Variants in BEST2 observed in about 807,000 individuals in gnomAD.
BEST2 encodes the protein bestrophin-2a.
BEST2 carries 36 observed loss-of-function variants against 49.0 expected under a neutral mutation model. The observed-to-expected ratio is 0.73, with a 90% confidence interval of 0.56 to 0.97. BEST2 has a LOEUF of 0.97. Among genes scored for constraint, BEST2 ranks in the 50% least tolerant of loss-of-function variants. The pLI is 0.00. For synonymous variants in BEST2, 335 were observed against 304.4 expected, an observed-to-expected ratio of 1.10 and a Z score of -1.05; for missense variants, 672 against 710.0, an observed-to-expected ratio of 0.95 and a Z score of 0.61.
chr19:12,757,701 C>A lies in BEST2; in HGVS notation c.1154C>A (p.Pro385Gln). Residue 385 changes from proline (P) to glutamine (Q), a missense_variant, in exon 10 of 10, where the codon CCG becomes CAG. This residue lies in a region of BEST2 where 291 missense variants were observed against 279.8 expected (regional missense o/e 1.04). Coordinates refer to ENST00000553030, the MANE Select transcript of BEST2 (RefSeq NM_017682.3). Reference protein sequence around the residue: ...QFQRLDGLDGPMGEAPGDFLQ... With the variant: ...QFQRLDGLDGQMGEAPGDFLQ... The stretch of plus-strand genomic sequence containing the variant: ...CAGCGGCTGGACGGCTTGGATGGAC[C>A]GATGGGAGAGGCGCCCGGCGACTTC... 1 of 1,546,424 alleles carries A rather than the reference C, an allele frequency of 6.5e-7. No homozygotes were observed. Among genetic ancestry groups the A allele is most frequent in the Non-Finnish European group, 8.7e-7 (1 of 1,149,248 alleles).
At position 12,755,028 on chromosome 19, in the gene BEST2, C is replaced by G. The variant is rs114701791; in HGVS notation, c.633C>G (p.Leu211=). 9 of 1,597,924 alleles carry G rather than the reference C, an allele frequency of 5.6e-6. No individual in the cohort carries two copies. The highest frequency in any genetic ancestry group is 6.8e-6 in the Non-Finnish European group (8 of 1,174,738). The change falls in exon 5 of 10, where the codon CTC becomes CTG. Residue 211 remains leucine (L), a synonymous_variant. Coordinates refer to ENST00000553030, the MANE Select transcript of BEST2 (RefSeq NM_017682.3). This position sits in a 1 kb window ranked among gnomAD's most constrained non-coding sequence, Gnocchi z 4.4. ...ACAACAGCGCCCTTAAGCTGCTGCT[C>G]GAGGTGGGCCCAACCAGGAGGTCAT... ...IRDNSALKLL[L]EELNVFRGKC... is the part of the protein sequence containing the mutation.
rs781277334 is a variant in BEST2 at position 12,757,676 on chromosome 19, C to T, written c.1129C>T (p.Gln377Ter). 8 of 1,543,564 alleles carry T rather than the reference C, an allele frequency of 5.2e-6. No individual in the cohort carries two copies. In the East Asian group the frequency reaches 1.7e-4, roughly 33 times the overall value. ...ITLAKEDMQF[Q>*]RLDGLDGPMG... The stretch of plus-strand genomic sequence containing the variant: ...GCTGGCCAAAGAAGACATGCAGTTC[C>T]AGCGGCTGGACGGCTTGGATGGACC... The change falls in exon 10 of 10, where the codon CAG becomes TAG. Residue 377 changes from glutamine to a stop codon, truncating the protein, a stop_gained. Transcript: ENST00000553030. LOFTEE classifies it low-confidence loss of function (END_TRUNC).
chr19:12,755,761 G>A lies in BEST2; in HGVS notation c.861G>A (p.Trp287Ter), dbSNP rs368957208. 125 of 1,613,968 alleles carry A rather than the reference G, an allele frequency of 7.7e-5. No individual in the cohort carries two copies. The highest frequency in any genetic ancestry group is 1.0e-4 in the Non-Finnish European group (123 of 1,179,972). ...TGCAGTTCTTCTTCTACGCCGGCTGGCTCAAGGTAGGTGGGTGATCCAGGC... is the reference window on the plus strand; with the variant it reads ...TGCAGTTCTTCTTCTACGCCGGCTGACTCAAGGTAGGTGGGTGATCCAGGC... ...TLLQFFFYAG[W>*]LKVAEQLINP... Residue 287 changes from tryptophan to a stop codon, truncating the protein, a stop_gained, in exon 7 of 10, where the codon TGG becomes TGA. Transcript: ENST00000553030. LOFTEE classifies it high-confidence loss of function. The surrounding 1 kb of genome is among the most constrained non-coding windows in gnomAD (Gnocchi z 4.4).
Position 12,757,806 on chromosome 19 carries a change from A to T in BEST2, c.1259A>T (p.Lys420Met). The change falls in exon 10 of 10, where the codon AAG (lysine) becomes ATG (methionine). Residue 420 changes from lysine (K) to methionine (M), a missense_variant. Physicochemically the swap from Lys to Met is moderately conservative, Grantham distance 95. This residue lies in a region of BEST2 where 291 missense variants were observed against 279.8 expected (regional missense o/e 1.04). Transcript: ENST00000553030. ...CGGCGCCTGTCCTTTCTACTCCGCA[A>T]GAACAGCTGCGTGTCGGAGGCGTCT... The part of the protein sequence containing the change: ...LGRRLSFLLR[K>M]NSCVSEASTG... 4 of 1,548,898 alleles carry T rather than the reference A, an allele frequency of 2.6e-6. No homozygotes were observed. The highest frequency in any genetic ancestry group is 3.5e-6 in the Non-Finnish European group (4 of 1,146,602).
At chr19:12,756,706 G>T in intron 9 of BEST2, 1 of 207,292 alleles carries the variant, frequency 4.8e-6, no homozygotes, top group Non-Finnish European at 9.9e-6. Context: ...AATTAGCCAA[G>T]CGTGGTGGTG....
At chr19:12,752,780 G>C (rs578207279) in intron 2 of BEST2, 36 bp downstream of exon 2, 20 of 1,533,308 alleles carry the variant, frequency 1.3e-5, no homozygotes, top group Non-Finnish European at 1.5e-5. Flanking sequence ...TTCTAGCGGA[G>C]GGGGGGCAGC....
intron 9 of BEST2, 92 bp from the exon 10 acceptor site, chr19:12,757,559 G>C: frequency 7.4e-7 from 1 of 1,359,970 alleles, no homozygotes; most frequent in Non-Finnish European, 9.9e-7. Context: ...GGGACAAAGC[G>C]GTGGGTGGAG....
chr19:12,757,783 G>A lies in BEST2; in HGVS notation c.1236G>A (p.Arg412=). 2 of 1,546,630 alleles carry A rather than the reference G, an allele frequency of 1.3e-6. No homozygotes were observed. Among genetic ancestry groups the A allele is most frequent in the Non-Finnish European group, 1.7e-6 (2 of 1,146,276 alleles). Residue 412 remains arginine, a synonymous_variant, in exon 10 of 10, where the codon CGG becomes CGA. Coordinates refer to ENST00000553030, the MANE Select transcript of BEST2 (RefSeq NM_017682.3). ...AGMVAGGPLG[R]RLSFLLRKNS... ...TGGTCGCGGGAGGCCCGCTGGGCCG[G>A]CGCCTGTCCTTTCTACTCCGCAAGA...
intron 8 of BEST2, 70 bp from the exon 9 acceptor site, chr19:12,756,071 G>A (rs893580489): frequency 8.7e-6 from 14 of 1,604,566 alleles, no homozygotes; most frequent in Admixed American, 8.4e-5. Context: ...CCACCCACCC[G>A]AAGGGGTCCA....
In BEST2 at chr19:12,756,295, C is replaced by T. The variant is rs199683315; in HGVS notation, c.1103C>T (p.Thr368Met). The change falls in exon 9 of 10, where the codon ACG (threonine) becomes ATG (methionine). Residue 368 changes from threonine to methionine, a missense_variant and splice_region_variant. Transcript: ENST00000553030. ...TTCCAGGGCTCCACCTTTGACATCA[C>T]GTGAGCCAGTTGGGTGGGCAGGGCC... ...PSFQGSTFDI[T>M]LAKEDMQFQR... 1.8e-4 allele frequency: 288 copies of T among 1,612,708 alleles called. 1 individual carries two copies. In the African/African-American group the frequency reaches 2.5e-3, roughly 14 times the overall value.
chr19:12,757,677 A>G lies in BEST2; in HGVS notation c.1130A>G (p.Gln377Arg), dbSNP rs1967961358. The change falls in exon 10 of 10, where the codon CAG becomes CGG. Residue 377 changes from glutamine (Q) to arginine (R), a missense_variant. Physicochemically the swap from Gln to Arg is conservative, Grantham distance 43. Around this residue, in one of 3 missense-constraint regions of BEST2, gnomAD observed 291 missense variants for 279.8 expected, o/e 1.04. Coordinates refer to ENST00000553030, the MANE Select transcript of BEST2 (RefSeq NM_017682.3). ...CTGGCCAAAGAAGACATGCAGTTCC[A>G]GCGGCTGGACGGCTTGGATGGACCG... ...ITLAKEDMQF[Q>R]RLDGLDGPMG... is the part of the protein sequence containing the mutation. 1 of 1,543,778 alleles carries G rather than the reference A, an allele frequency of 6.5e-7. No individual in the cohort carries two copies. Among genetic ancestry groups the G allele is most frequent in the African/African-American group, 1.4e-5 (1 of 73,056 alleles).
rs1317550646 is a variant in BEST2, at chr19:12,757,875, C to T, written c.1328C>T (p.Ala443Val). 7 of 1,549,546 alleles carry T rather than the reference C, an allele frequency of 4.5e-6. No individual in the cohort carries two copies. The East Asian group carries it at 7.3e-5, about 16-fold the overall frequency. The change falls in exon 10 of 10, where the codon GCC (alanine) becomes GTC (valine). Residue 443 changes from alanine (A) to valine (V), a missense_variant. By Grantham distance (64) the Ala-to-Val change is moderately conservative. Around this residue, in one of 3 missense-constraint regions of BEST2, gnomAD observed 291 missense variants for 279.8 expected, o/e 1.04. Coordinates refer to ENST00000553030, the MANE Select transcript of BEST2 (RefSeq NM_017682.3). ...CSCAVVPEGA[A>V]PECSCGDPLL... ...TGCGCGGTTGTCCCCGAAGGCGCGG[C>T]CCCGGAGTGCAGCTGCGGGGACCCG...
In BEST2 at chr19:12,756,269, C is replaced by T. The variant is rs1426959640; in HGVS notation, c.1077C>T (p.Ser359=). The change falls in exon 9 of 10, where the codon TCC becomes TCT. Residue 359 remains serine, a synonymous_variant. Transcript: ENST00000553030. ...CTGTCTTCCAGCTGCGGCAGCCTTC[C>T]TTCCAGGGCTCCACCTTTGACATCA... ...AATVFQLRQP[S]FQGSTFDITL... is the part of the protein sequence containing the mutation. 7 of 1,613,528 alleles carry T rather than the reference C, an allele frequency of 4.3e-6. No homozygotes were observed.
rs759375542 is a variant in BEST2, at chr19:12,755,945, A to G, written c.948+10A>G. ...CGATAGAAACTTCCAGGTGAGACTC[A>G]GTTTCCAGGTGAGACTTCCAGGTGG... On this transcript the variant is annotated intron_variant, in intron 8 of 9. Coordinates refer to ENST00000553030, the MANE Select transcript of BEST2 (RefSeq NM_017682.3). This position sits in a 1 kb window ranked among gnomAD's most constrained non-coding sequence, Gnocchi z 4.4. The G allele has an allele frequency of 1.2e-6, 2 of 1,613,176 alleles. No homozygotes were observed. Among genetic ancestry groups the G allele is most frequent in the Non-Finnish European group, 1.7e-6 (2 of 1,179,092 alleles).
At chr19:12,756,059 C>A in intron 8 of BEST2, 82 bp from the exon 9 acceptor site, 1 of 1,599,114 alleles carries the variant, frequency 6.3e-7, no homozygotes, top group Non-Finnish European at 8.6e-7. Context: ...CCTCTGTGGT[C>A]CCCACCCACC....
rs1418585189 is a variant in BEST2, at chr19:12,758,021, C to A, written c.1474C>A (p.Pro492Thr). 1 of 1,612,974 alleles carries A rather than the reference C, an allele frequency of 6.2e-7. No homozygotes were observed. The highest frequency in any genetic ancestry group is 8.5e-7 in the Non-Finnish European group (1 of 1,179,942). ...SIVTMPGPRGPAPPWLPSPIG... is the reference protein window; with the variant it reads ...SIVTMPGPRGTAPPWLPSPIG... ...CGTGACCATGCCCGGGCCCCGGGGTCCGGCGCCACCCTGGCTGCCCAGCCC... is the reference window on the plus strand; with the variant it reads ...CGTGACCATGCCCGGGCCCCGGGGTACGGCGCCACCCTGGCTGCCCAGCCC... Residue 492 changes from proline (P) to threonine (T), a missense_variant, in exon 10 of 10, where the codon CCG (proline) becomes ACG (threonine). Pro to Thr is a conservative substitution (Grantham distance 38). This residue lies in a region of BEST2 where 291 missense variants were observed against 279.8 expected (regional missense o/e 1.04). Coordinates refer to ENST00000553030, the MANE Select transcript of BEST2 (RefSeq NM_017682.3).
chr19:12,753,749 A>G (rs1967900326), intron 3 of BEST2, among the ~76,000 whole-genome samples: 1 of 151,924 alleles, frequency 6.6e-6, no homozygotes, highest in Non-Finnish European at 1.5e-5. Context: ...CAAGTCTTGG[A>G]CCCCTAGTGA....
chr19:12,757,891 C>T lies in BEST2; in HGVS notation c.1344C>T (p.Cys448=). 1 of 1,551,680 alleles carries T rather than the reference C, an allele frequency of 6.4e-7. No individual in the cohort carries two copies. Among genetic ancestry groups the T allele is most frequent in the African/African-American group, 1.4e-5 (1 of 73,464 alleles). Residue 448 remains cysteine (C), a synonymous_variant, in exon 10 of 10, where the codon TGC becomes TGT. Coordinates refer to ENST00000553030, the MANE Select transcript of BEST2 (RefSeq NM_017682.3). Reference sequence around the variant, plus strand: ...AAGGCGCGGCCCCGGAGTGCAGCTGCGGGGACCCGCTGCTCGACCCCGGCC... The same window carrying T: ...AAGGCGCGGCCCCGGAGTGCAGCTGTGGGGACCCGCTGCTCGACCCCGGCC... ...VPEGAAPECS[C]GDPLLDPGLP...
At position 12,755,789 on chromosome 19, in the gene BEST2, G is replaced by C; in HGVS notation, c.867+22G>C. The C allele has an allele frequency of 6.2e-7, 1 of 1,613,274 alleles. No individual in the cohort carries two copies. On this transcript the variant is annotated intron_variant, in intron 7 of 9. Transcript: ENST00000553030. The surrounding 1 kb of genome is among the most constrained non-coding windows in gnomAD (Gnocchi z 4.4). ...CAAGGTAGGTGGGTGATCCAGGCTG[G>C]AATTTCGTGGGTGGGGCGGGCATGG... is the stretch of plus-strand genomic sequence containing the variant.
Sources: allele counts gnomAD v4.1 joint callset (sites outside exome capture counted in the v4.1 genomes callset), GRCh38; gene constraint gnomAD v4.1.1; regional missense constraint gnomAD v4.1.1; non-coding constraint Gnocchi (gnomAD v3.1); transcripts MANE v1.5; gene names NCBI Gene and HGNC (gene_info 2026-07-23, HGNC 2026-07-21).